Variants in ZNF519 observed in about 807,000 individuals in gnomAD.
The protein encoded by ZNF519 is zinc finger protein 519.
A neutral mutation model predicts 7.4 loss-of-function variants in ZNF519; 7 were observed. The ratio of observed to expected loss-of-function variants is 0.94; its 90% CI spans 0.54 to 1.77. The LOEUF (loss-of-function observed/expected upper bound fraction) is 1.77, where lower values mean the gene tolerates loss of function less well. ZNF519 is among the 40% of genes most tolerant of loss of function. The pLI, the probability that ZNF519 is intolerant of heterozygous loss-of-function variation, is 0.00. For missense variants in ZNF519, 586 were observed against 623.1 expected (o/e 0.94, Z 0.63); for synonymous variants, 179 against 203.3 (o/e 0.88, Z 1.02).
In ZNF519 at chr18:14,105,475, T is replaced by A. The variant is rs1273622831; in HGVS notation, c.1065A>T (p.Lys355Asn). The A allele has an allele frequency of 1.9e-5, 31 of 1,613,932 alleles. No homozygotes were observed. Among genetic ancestry groups the A allele is most frequent in the Non-Finnish European group, 2.5e-5 (30 of 1,179,952 alleles). ...ERAFKCEECG[K>N]AFNRGSYLTQ... Reference sequence around the variant, plus strand: ...TAAGGTATGACCCCCTGTTAAAGGCTTTGCCACATTCTTCACATTTGAAAG... The same window carrying A: ...TAAGGTATGACCCCCTGTTAAAGGCATTGCCACATTCTTCACATTTGAAAG... Residue 355 changes from lysine to asparagine, a missense_variant, in exon 3 of 3, where the codon AAA (lysine) becomes AAT (asparagine). Transcript: ENST00000590202.
At chr18:14,110,266 C>T (rs2046213550) in intron 2 of ZNF519, among the ~76,000 whole-genome samples, 1 of 152,134 alleles carries the variant, frequency 6.6e-6, no homozygotes, top group Non-Finnish European at 1.5e-5. Flanking sequence ...TATAAAAAAA[C>T]TCTTCTGGAC....
chr18:14,118,783 C>T (rs1031539598), intron 2 of ZNF519, among the ~76,000 whole-genome samples: 4 of 152,160 alleles, frequency 2.6e-5, no homozygotes, highest in African/African-American at 9.7e-5. Context: ...ACACACCCAG[C>T]CATGGCCCTA....
chr18:14,079,217 G>C (rs532290116), intron 3 of ZNF519, among the ~76,000 whole-genome samples: 65 of 152,172 alleles, frequency 4.3e-4, no homozygotes, highest in Non-Finnish European at 7.6e-4. Context: ...CAGCACAGGA[G>C]GGAGACCTGT....
chr18:14,130,242 T>C (rs1041726497), intron 1 of ZNF519, among the ~76,000 whole-genome samples: 4 of 151,770 alleles, frequency 2.6e-5, no homozygotes, highest in Admixed American at 2.0e-4. Flanking sequence ...CTTTGACCTA[T>C]TCTCAGCCTG....
At chr18:14,116,418 T>C (rs1188451502) in intron 2 of ZNF519, among the ~76,000 whole-genome samples, 3 of 152,276 alleles carry the variant, frequency 2.0e-5, no homozygotes, top group South Asian at 4.1e-4. Flanking sequence ...GTTTTTAGAA[T>C]AGATTACAAA....
At chr18:14,076,583 T>C (rs1337131327) in exon 5 of ZNF519, 17 of 152,160 alleles carry the variant, frequency 1.1e-4, no homozygotes, top group Non-Finnish European at 1.5e-5. Flanking sequence ...ATTATTTCAA[T>C]GTCAGAATTG....
downstream of ZNF519, among the ~76,000 whole-genome samples, chr18:14,097,368 G>A (rs138358878): frequency 8.7e-4 from 133 of 152,268 alleles, no homozygotes; most frequent in African/African-American, 3.1e-3. Flanking sequence ...GACACAGATG[G>A]TCTCAGGTGG....
chr18:14,099,974 T>A lies in ZNF519; in HGVS notation c.*4943A>T, dbSNP rs1018655544. 1 of 152,212 alleles carries A rather than the reference T, an allele frequency of 6.6e-6. No homozygotes were observed. The highest frequency in any genetic ancestry group is 1.5e-5 in the Non-Finnish European group (1 of 68,030). 9.4% of individuals were successfully genotyped at this position (152,212 alleles called of 1,614,324 possible). ...GGAAAAAAAACTTATTTATTGCCTA[T>A]GTGAGCTAGTAACCAGAATATAAAC... On this transcript the variant is annotated 3_prime_UTR_variant, in exon 3 of 3. Coordinates refer to ENST00000590202, the MANE Select transcript of ZNF519 (RefSeq NM_145287.4).
chr18:14,086,473 C>T (rs146407705), intron 2 of ZNF519, among the ~76,000 whole-genome samples: 1 of 152,312 alleles, frequency 6.6e-6, no homozygotes, highest in East Asian at 1.9e-4. Context: ...GACTCCCTGT[C>T]TCATCCATGC....
At chr18:14,118,027 G>GCCT (rs2046253506) in intron 2 of ZNF519, among the ~76,000 whole-genome samples, 1 of 152,100 alleles carries the variant, frequency 6.6e-6, no homozygotes, top group Non-Finnish European at 1.5e-5. Context: ...CAATGAATAG[G>GCCT]TAATTTTTAA....
At chr18:14,112,967 C>T (rs1291679337) in intron 2 of ZNF519, among the ~76,000 whole-genome samples, 1 of 152,054 alleles carries the variant, frequency 6.6e-6, no homozygotes, top group African/African-American at 2.4e-5. Flanking sequence ...AAAGGTCTTG[C>T]AAGAAAAAAT....
chr18:14,106,278 T>C lies in ZNF519; in HGVS notation c.262A>G (p.Ile88Val), dbSNP rs1283424416. 8.1e-6 allele frequency: 13 copies of C among 1,613,444 alleles called. No homozygotes were observed. Among genetic ancestry groups the C allele is most frequent in the South Asian group, 1.1e-5 (1 of 91,054 alleles). Residue 88 changes from isoleucine to valine, a missense_variant, in exon 3 of 3, where the codon ATA (isoleucine) becomes GTA (valine). Physicochemically the swap from Ile to Val is conservative, Grantham distance 29. Transcript: ENST00000590202. The part of the protein sequence containing the change: ...NICLWKNWES[I>V]GEGEGQKECY... ...TCCTTTTGTCCTTCACCTTCACCTA[T>C]ACTTTCCCAGTTTTTCCATAAGCAT...
chr18:14,081,799 A>G (rs928626623), intron 3 of ZNF519, among the ~76,000 whole-genome samples: 1 of 152,166 alleles, frequency 6.6e-6, no homozygotes, highest in African/African-American at 2.4e-5. Context: ...GAGAAAATCG[A>G]ATTAATCCTT....
rs1397648893 is a variant in ZNF519, at chr18:14,132,375, C to G, written c.-98G>C. On this transcript the variant is annotated 5_prime_UTR_variant, in exon 1 of 3. Transcript: ENST00000590202. ...GTGAGTGGCAGAATCACCGAAGTCT[C>G]CCGGAGCAGAGGACACAAGGCAATG... 10 of 1,483,938 alleles carry G rather than the reference C, an allele frequency of 6.7e-6. No homozygotes were observed. In the African/African-American group the frequency reaches 1.1e-4, roughly 16 times the overall value. The allele number at this position is 1,483,938 out of a possible 1,614,324, so 91.9% of individuals were successfully genotyped here.
At chr18:14,079,316 T>G (rs145430976) in intron 3 of ZNF519, among the ~76,000 whole-genome samples, 65 of 152,322 alleles carry the variant, frequency 4.3e-4, no homozygotes, top group Admixed American at 3.7e-3. Flanking sequence ...GAAGACAATA[T>G]TGTCTAGATG....
chr18:14,077,093 A>T (rs543675167), exon 5 of ZNF519: 2 of 152,346 alleles, frequency 1.3e-5, no homozygotes, highest in East Asian at 3.9e-4. Context: ...TTAATTCCAA[A>T]TTACACTAGA....
At chr18:14,124,597 A>G in intron 1 of ZNF519, 121 bp from the exon 2 acceptor site, 4 of 1,227,906 alleles carry the variant, frequency 3.3e-6, no homozygotes, top group Non-Finnish European at 4.6e-6. Context: ...CTTTTAACAC[A>G]GTAATGTTCT....
intron 2 of ZNF519, among the ~76,000 whole-genome samples, chr18:14,111,168 C>CT (rs1491231848): frequency 1.2e-5 from 1 of 81,534 alleles, no homozygotes; most frequent in Non-Finnish European, 2.7e-5. Flanking sequence ...AAGTTGTTTT[C>CT]TAAAAAAAAA....
intron 2 of ZNF519, among the ~76,000 whole-genome samples, chr18:14,092,234 T>A (rs762804643): frequency 2.1e-4 from 32 of 151,240 alleles, no homozygotes; most frequent in South Asian, 4.2e-4. Flanking sequence ...AAGAGGGGAG[T>A]CAGGACCAGG....
Sources: gnomAD v4.1 joint callset for allele counts (sites outside exome capture counted in the v4.1 genomes callset) on GRCh38, gnomAD v4.1.1 for gene constraint, MANE v1.5 for transcripts, NCBI Gene and HGNC (gene_info 2026-07-23, HGNC 2026-07-21) for gene names.